Variants in KCNU1 observed in about 807,000 individuals in gnomAD.
KCNU1 encodes potassium calcium-activated channel subfamily U member 1.
In KCNU1, 93 loss-of-function variants were observed where a neutral mutation model predicts 126.8. The ratio of observed to expected loss-of-function variants is 0.73; its 90% CI spans 0.62 to 0.87. KCNU1 has a LOEUF of 0.87. KCNU1 is among the 40% of genes least tolerant of loss of function. The pLI is 0.00. For synonymous variants in KCNU1, 523 were observed against 494.2 expected, an observed-to-expected ratio of 1.06 and a Z score of -0.77; for missense variants, 1,330 against 1,367.1, an observed-to-expected ratio of 0.97 and a Z score of 0.43.
At chr8:36,895,673 T>A (rs562861259) in intron 19 of KCNU1, among the ~76,000 whole-genome samples, 3 of 152,262 alleles carry the variant, frequency 2.0e-5, no homozygotes, top group African/African-American at 7.2e-5. Flanking sequence ...GATTACTATT[T>A]CCACACAAAT....
chr8:36,885,820 A>G (rs1204076174), intron 19 of KCNU1, among the ~76,000 whole-genome samples: 4 of 152,068 alleles, frequency 2.6e-5, no homozygotes, highest in Non-Finnish European at 4.4e-5. Flanking sequence ...AAAAAGAAAT[A>G]CAATCAGAGC....
intron 2 of KCNU1, among the ~76,000 whole-genome samples, chr8:36,800,342 G>GA (rs1803257667): frequency 6.6e-6 from 1 of 152,106 alleles, no homozygotes; most frequent in African/African-American, 2.4e-5. Context: ...ATCCCATTGT[G>GA]AAAATCAAAG....
intron 10 of KCNU1, among the ~76,000 whole-genome samples, chr8:36,821,685 A>T (rs1188774899): frequency 1.3e-5 from 2 of 152,164 alleles, no homozygotes; most frequent in Admixed American, 6.5e-5. Flanking sequence ...CTTTATACAT[A>T]CAGATGGTCC....
intron 7 of KCNU1, 90 bp downstream of exon 7, chr8:36,808,883 T>C (rs7819552): frequency 0.033 from 28,461 of 862,436 alleles, 610 homozygotes; most frequent in Non-Finnish European, 0.043. Flanking sequence ...AGCCCCTGTC[T>C]CCATCACTGT....
chr8:36,807,479 A>G (rs756664797), intron 6 of KCNU1, 29 bp downstream of exon 6: 3 of 1,500,354 alleles, frequency 2.0e-6, no homozygotes, highest in Middle Eastern at 3.4e-4. Flanking sequence ...AGTACTGCTT[A>G]CTTATTAGTT....
In KCNU1 at chr8:36,887,413, G is replaced by A. The variant is rs149653711; in HGVS notation, c.2010-18295G>A. The stretch of plus-strand genomic sequence containing the variant: ...TTGAGCATTTTTCTGAAAACGTTGA[G>A]CATTTTTTCACATGTTTATTGGCCA... On this transcript the variant is annotated intron_variant, in intron 19 of 26. Transcript: ENST00000399881. Among the ~76,000 whole-genome samples, 241 of 147,422 alleles carry A rather than the reference G, an allele frequency of 1.6e-3. 1 individual carries two copies. The highest frequency in any genetic ancestry group is 4.6e-3 in the African/African-American group (184 of 40,150).
Position 36,807,378 on chromosome 8 carries a change from T to G in KCNU1, c.584T>G (p.Leu195Ter). Reference sequence around the variant, plus strand: ...TCTCCTTTCCATTGGTTTGTAGGTTTAAGGTTCCTAAGAGCCTTGCGCCTG... The same window carrying G: ...TCTCCTTTCCATTGGTTTGTAGGTTGAAGGTTCCTAAGAGCCTTGCGCCTG... ...SYYLKSNWLGLRFLRALRLLE... is the reference protein window; with the variant it reads ...SYYLKSNWLG Residue 195 changes from leucine (L) to a stop codon, truncating the protein, a stop_gained, in exon 6 of 27, where the codon TTA becomes TGA. Coordinates refer to ENST00000399881, the MANE Select transcript of KCNU1 (RefSeq NM_001031836.3). LOFTEE classifies it high-confidence loss of function. The G allele has an allele frequency of 6.2e-7, 1 of 1,613,034 alleles. No homozygotes were observed. Among genetic ancestry groups the G allele is most frequent in the Non-Finnish European group, 8.5e-7 (1 of 1,179,114 alleles).
chr8:36,815,586 T>C lies in KCNU1; in HGVS notation c.904-10T>C. On this transcript the variant is annotated splice_polypyrimidine_tract_variant and intron_variant, in intron 8 of 26. Transcript: ENST00000399881. ...GAGAACTAAGGTTTTATTTTGCTGA[T>C]CAATTTTAGATATTATTTGCGAACT... is the stretch of plus-strand genomic sequence containing the variant. The C allele has an allele frequency of 6.9e-7, 1 of 1,441,514 alleles. No homozygotes were observed. Among genetic ancestry groups the C allele is most frequent in the Non-Finnish European group, 9.6e-7 (1 of 1,046,366 alleles). 89.3% of individuals were successfully genotyped at this position (1,441,514 alleles called of 1,614,324 possible).
chr8:36,832,972 T>C (rs1380388464), intron 10 of KCNU1, among the ~76,000 whole-genome samples: 3 of 152,162 alleles, frequency 2.0e-5, no homozygotes, highest in Admixed American at 2.0e-4. Context: ...TATTTTTATT[T>C]GTGTTTTGGT....
At chr8:36,784,799 C>G (rs905616173) in intron 1 of KCNU1, among the ~76,000 whole-genome samples, 194 bp downstream of exon 1, 1 of 152,124 alleles carries the variant, frequency 6.6e-6, no homozygotes, top group African/African-American at 2.4e-5. Context: ...CAGGGCCAAG[C>G]CTCTTCTCTC....
At chr8:36,810,945 G>C (rs954143392) in intron 7 of KCNU1, among the ~76,000 whole-genome samples, 4 of 152,102 alleles carry the variant, frequency 2.6e-5, no homozygotes, top group Admixed American at 6.5e-5. Flanking sequence ...TTTGAACCAA[G>C]GGATTATTAA....
chr8:36,913,842 C>A (rs922360986), intron 22 of KCNU1, among the ~76,000 whole-genome samples: 9 of 151,920 alleles, frequency 5.9e-5, no homozygotes, highest in African/African-American at 1.9e-4. Flanking sequence ...ACCTTGTGAT[C>A]CGTCTGCCTC....
intron 18 of KCNU1, among the ~76,000 whole-genome samples, chr8:36,854,648 G>T (rs1021541722): frequency 1.3e-5 from 2 of 151,868 alleles, no homozygotes; most frequent in East Asian, 1.9e-4. Flanking sequence ...TTTATATATA[G>T]GTTTTTAAAG....
At chr8:36,857,759 C>T (rs1805581109) in intron 18 of KCNU1, among the ~76,000 whole-genome samples, 1 of 152,030 alleles carries the variant, frequency 6.6e-6, no homozygotes, top group Admixed American at 6.6e-5. Context: ...GATTCTCCTG[C>T]CTCAGCCTCT....
At chr8:36,803,189 T>G (rs574808668) in intron 2 of KCNU1, among the ~76,000 whole-genome samples, 1 of 152,284 alleles carries the variant, frequency 6.6e-6, no homozygotes, top group African/African-American at 2.4e-5. Flanking sequence ...GAGATGAAAC[T>G]GAGTCCTTTC....
At chr8:36,906,665 CT>C (rs370763978) in intron 20 of KCNU1, among the ~76,000 whole-genome samples, 4 of 152,082 alleles carry the variant, frequency 2.6e-5, no homozygotes, top group African/African-American at 9.7e-5. Context: ...GTTTAGTTCA[CT>C]TTTTTTGATA....
At chr8:36,821,968 C>A (rs182192835) in intron 10 of KCNU1, among the ~76,000 whole-genome samples, 1 of 152,204 alleles carries the variant, frequency 6.6e-6, no homozygotes, top group African/African-American at 2.4e-5. Context: ...TTTCAACTTA[C>A]CACGTTTTCA....
intron 16 of KCNU1, among the ~76,000 whole-genome samples, chr8:36,842,207 A>G (rs116778489): frequency 0.028 from 4,192 of 152,302 alleles, 207 homozygotes; most frequent in African/African-American, 0.096. Flanking sequence ...CTTTTCTAAA[A>G]TTGACATTAC....
chr8:36,819,883 G>T (rs776528537), intron 10 of KCNU1, among the ~76,000 whole-genome samples: 2 of 152,030 alleles, frequency 1.3e-5, no homozygotes, highest in Non-Finnish European at 2.9e-5. Context: ...CTTTGAATCT[G>T]GGCTGACCTG....
Sources: gnomAD v4.1 joint callset for allele counts (sites outside exome capture counted in the v4.1 genomes callset) on GRCh38, gnomAD v4.1.1 for gene constraint, MANE v1.5 for transcripts, NCBI Gene and HGNC (gene_info 2026-07-23, HGNC 2026-07-21) for gene names.